LRP1B: variants seen among roughly 807,000 people sequenced by gnomAD.
The protein encoded by LRP1B is low-density lipoprotein receptor-related protein 1B.
A neutral mutation model predicts 556.6 loss-of-function variants in LRP1B; 217 were observed. The observed-to-expected ratio is 0.39, with a 90% CI of 0.35 to 0.44. The LOEUF (loss-of-function observed/expected upper bound fraction) is 0.44. LRP1B is among the 20% of genes least tolerant of loss of function. The probability of loss-of-function intolerance (pLI) is 1.00; values close to 1 mark genes in which losing one functional copy is unlikely to be tolerated. For missense variants in LRP1B, 5,053 were observed against 5,620.8 expected (o/e 0.90, Z 3.23); for synonymous variants, 2,047 against 1,865.8 (o/e 1.10, Z -2.50).
chr2:140,247,012 T>C, intron 87 of LRP1B, 74 bp downstream of exon 87: 1 of 1,057,974 alleles, frequency 9.5e-7, no homozygotes, highest in South Asian at 1.3e-5. Flanking sequence ...CTAAGACTCA[T>C]CTCACTCAAT....
At chr2:140,258,925 C>G (rs1184995438) in intron 86 of LRP1B, among the ~76,000 whole-genome samples, 1 of 151,898 alleles carries the variant, frequency 6.6e-6, no homozygotes, top group Non-Finnish European at 1.5e-5. Context: ...TTTTTCAAAC[C>G]TATGGGAACT....
chr2:140,978,289 A>G (rs1031974906), intron 18 of LRP1B, among the ~76,000 whole-genome samples: 3 of 152,078 alleles, frequency 2.0e-5, no homozygotes, highest in African/African-American at 7.2e-5. Context: ...AGCACCTTCA[A>G]CTCCTAATTA....
chr2:140,933,612 A>G (rs1695118001), intron 20 of LRP1B, among the ~76,000 whole-genome samples: 1 of 152,100 alleles, frequency 6.6e-6, no homozygotes, highest in South Asian at 2.1e-4. Flanking sequence ...TATTAATTAT[A>G]TCTTTAACAA....
chr2:140,485,528 C>A lies in LRP1B; in HGVS notation c.9244-4G>T, dbSNP rs1183487273. On this transcript the variant is annotated splice_polypyrimidine_tract_variant and splice_region_variant and intron_variant, in intron 58 of 90. Transcript: ENST00000389484. ...GGACCGCTGTGTTATGAACTACCTACAAAACAAGAATTTAAAAGGTTAACA... is the reference window on the plus strand; with the variant it reads ...GGACCGCTGTGTTATGAACTACCTAAAAAACAAGAATTTAAAAGGTTAACA... 2.5e-6 allele frequency: 4 copies of A among 1,606,102 alleles called. No individual in the cohort carries two copies. Among genetic ancestry groups the A allele is most frequent in the Non-Finnish European group, 3.4e-6 (4 of 1,176,994 alleles).
intron 41 of LRP1B, among the ~76,000 whole-genome samples, chr2:140,661,668 AAAC>A (rs945623920): frequency 2.0e-5 from 3 of 152,144 alleles, no homozygotes; most frequent in African/African-American, 7.2e-5. Context: ...TCCAGTCTCA[AAAC>A]AACAACAAAA....
chr2:140,870,855 T>A (rs535134931), intron 25 of LRP1B, among the ~76,000 whole-genome samples: 24 of 152,206 alleles, frequency 1.6e-4, no homozygotes, highest in South Asian at 6.2e-4. Context: ...TTAAAAAAAA[T>A]TTATGTCTAT....
chr2:141,566,869 A>C (rs1686351467), intron 2 of LRP1B, among the ~76,000 whole-genome samples: 1 of 152,288 alleles, frequency 6.6e-6, no homozygotes, highest in South Asian at 2.1e-4. Flanking sequence ...CTTAAAAAAA[A>C]TTAAAAATAA....
chr2:141,655,722 G>C lies in LRP1B; in HGVS notation c.205+154557C>G, dbSNP rs181927489. 2.0e-4 allele frequency among the ~76,000 whole-genome samples: 31 copies of C among 152,046 alleles called. No individual in the cohort carries two copies. In the East Asian group the frequency reaches 4.8e-3, roughly 24 times the overall value. On this transcript the variant is annotated intron_variant, in intron 2 of 90. Coordinates refer to ENST00000389484, the MANE Select transcript of LRP1B (RefSeq NM_018557.3). ...ATACAGAAGGTACTTGAGAAATCATGTAGAATAACTTTGCCATTTAATTGC... is the reference window on the plus strand; with the variant it reads ...ATACAGAAGGTACTTGAGAAATCATCTAGAATAACTTTGCCATTTAATTGC...
chr2:140,607,619 G>C (rs1682915656), intron 41 of LRP1B, among the ~76,000 whole-genome samples: 1 of 129,148 alleles, frequency 7.7e-6, no homozygotes, highest in Non-Finnish European at 1.6e-5. Flanking sequence ...TGCTAAACTC[G>C]ACCCCCTCTC....
intron 1 of LRP1B, among the ~76,000 whole-genome samples, chr2:141,823,535 GAATA>G (rs1696823762): frequency 6.6e-6 from 1 of 152,106 alleles, no homozygotes; most frequent in African/African-American, 2.4e-5. Context: ...TTTAATAAAA[GAATA>G]CAAGATTGTC....
chr2:141,600,050 C>G (rs1574124976), intron 2 of LRP1B, among the ~76,000 whole-genome samples: 1 of 152,116 alleles, frequency 6.6e-6, no homozygotes, highest in South Asian at 2.1e-4. Flanking sequence ...TCTATCATCT[C>G]TAATTTCCTA....
At chr2:141,851,225 A>G (rs193222029) in intron 1 of LRP1B, among the ~76,000 whole-genome samples, 99 of 151,972 alleles carry the variant, frequency 6.5e-4, no homozygotes, top group Admixed American at 1.6e-3. Context: ...AAAGGAATAT[A>G]TGAATAATAA....
intron 18 of LRP1B, among the ~76,000 whole-genome samples, chr2:140,968,197 T>A (rs963581142): frequency 4.1e-4 from 62 of 151,842 alleles, no homozygotes; most frequent in South Asian, 2.1e-4. Context: ...AATTATTGCC[T>A]CAATTTCAGA....
At position 141,112,750 on chromosome 2, in the gene LRP1B, A is replaced by G. The variant is rs146813302; in HGVS notation, c.1014-50477T>C. ...GTAATGATTTAGTATTCACTAATTC[A>G]ATTGTCTAGGTAACTTTACTGAATG... On this transcript the variant is annotated intron_variant, in intron 7 of 90. Coordinates refer to ENST00000389484, the MANE Select transcript of LRP1B (RefSeq NM_018557.3). 2.7e-3 allele frequency among the ~76,000 whole-genome samples: 411 copies of G among 152,336 alleles called. 1 individual carries two copies. The highest frequency in any genetic ancestry group is 4.2e-3 in the Non-Finnish European group (283 of 68,032).
intron 41 of LRP1B, among the ~76,000 whole-genome samples, chr2:140,696,403 A>G (rs1686431643): frequency 6.6e-6 from 1 of 152,170 alleles, no homozygotes; most frequent in Non-Finnish European, 1.5e-5. Flanking sequence ...CGTATAAACT[A>G]TCAATACAGA....
chr2:141,103,070 T>C (rs1461169389), intron 7 of LRP1B, among the ~76,000 whole-genome samples: 2 of 152,068 alleles, frequency 1.3e-5, no homozygotes, highest in Admixed American at 6.6e-5. Flanking sequence ...AAATATTTCT[T>C]ACCTTGGTAT....
At chr2:141,599,126 T>C (rs1219848078) in intron 2 of LRP1B, among the ~76,000 whole-genome samples, 1 of 127,748 alleles carries the variant, frequency 7.8e-6, no homozygotes, top group Non-Finnish European at 1.6e-5. Flanking sequence ...CTATTTCAGA[T>C]CAACTCCACA....
intron 3 of LRP1B, among the ~76,000 whole-genome samples, chr2:141,466,103 G>A (rs1347021471): frequency 6.7e-6 from 1 of 149,802 alleles, no homozygotes; most frequent in Non-Finnish European, 1.5e-5. Flanking sequence ...TGACCAGGCT[G>A]GTCTTGAACT....
chr2:140,939,200 A>G (rs997044518), intron 20 of LRP1B, among the ~76,000 whole-genome samples: 4 of 152,084 alleles, frequency 2.6e-5, no homozygotes, highest in Admixed American at 2.6e-4. Flanking sequence ...ATGCATTCCC[A>G]GTATCAAATA....
Sources: allele counts gnomAD v4.1 joint callset (sites outside exome capture counted in the v4.1 genomes callset), GRCh38; gene constraint gnomAD v4.1.1; transcripts MANE v1.5; gene names NCBI Gene and HGNC (gene_info 2026-07-23, HGNC 2026-07-21).